STON2: variants seen among roughly 807,000 people sequenced by gnomAD.
STON2 encodes the protein stonin-2.
A neutral mutation model predicts 65.7 loss-of-function variants in STON2; 29 were observed. That is an observed-to-expected ratio of 0.44 (90% CI 0.33 to 0.60). The LOEUF is 0.60. Among genes scored for constraint, STON2 ranks in the 20% least tolerant of loss-of-function variants. The pLI, the probability that STON2 is intolerant of heterozygous loss-of-function variation, is 0.03. For synonymous variants in STON2, 404 were observed against 414.2 expected, an observed-to-expected ratio of 0.98 and a Z score of 0.30; for missense variants, 1,054 against 1,118.1, an observed-to-expected ratio of 0.94 and a Z score of 0.82.
intron 1 of STON2, among the ~76,000 whole-genome samples, chr14:81,399,831 CT>C (rs1018564348): frequency 1.3e-5 from 2 of 152,104 alleles, no homozygotes; most frequent in African/African-American, 4.8e-5. Context: ...TTCCTCCAGG[CT>C]AAGTGGAAGA....
chr14:81,277,580 A>G lies in STON2; in HGVS notation c.1902T>C (p.Asp634=). The part of the protein sequence containing the change: ...LEEEITVDVR[D]EFSGIVSKGD... ...CTTTGCTCACAATGCCAGAGAATTCATCTCTGACATCCACTGTAATCTCCT... is the reference window on the plus strand; with the variant it reads ...CTTTGCTCACAATGCCAGAGAATTCGTCTCTGACATCCACTGTAATCTCCT... Residue 634 remains aspartate, a synonymous_variant, in exon 6 of 8, where the codon GAT becomes GAC. Transcript: ENST00000614646. The G allele has an allele frequency of 1.2e-6, 2 of 1,614,064 alleles. No homozygotes were observed. The highest frequency in any genetic ancestry group is 1.7e-6 in the Non-Finnish European group (2 of 1,179,928).
At chr14:81,316,301 A>G (rs1014096430) in intron 5 of STON2, among the ~76,000 whole-genome samples, 1 of 152,240 alleles carries the variant, frequency 6.6e-6, no homozygotes, top group Admixed American at 6.5e-5. Context: ...TTCAGTGGTC[A>G]GGGCAGTAAT....
At chr14:81,356,370 G>T (rs1324070109) in intron 4 of STON2, among the ~76,000 whole-genome samples, 2 of 152,274 alleles carry the variant, frequency 1.3e-5, no homozygotes, top group East Asian at 3.9e-4. Flanking sequence ...ACTTGATCGT[G>T]GTGGATAAGC....
At chr14:81,293,911 T>A (rs1895660756) in intron 5 of STON2, among the ~76,000 whole-genome samples, 1 of 152,188 alleles carries the variant, frequency 6.6e-6, no homozygotes, top group Non-Finnish European at 1.5e-5. Flanking sequence ...AATGGTGGGT[T>A]TTTTTCTTCA....
chr14:81,375,914 T>C (rs1899232008), intron 3 of STON2, among the ~76,000 whole-genome samples: 1 of 150,948 alleles, frequency 6.6e-6, no homozygotes, highest in Non-Finnish European at 1.5e-5. Flanking sequence ...TTGTCTATAC[T>C]AGATAAAAAA....
chr14:81,263,463 G>A lies in STON2; in HGVS notation c.*4951C>T, dbSNP rs1595257218. On this transcript the variant is annotated 3_prime_UTR_variant, in exon 8 of 8. Transcript: ENST00000614646. ...TGAGGCAGGAGAATCACTTGAACCC[G>A]GGAGGCGGAGGTTGCAGTGAGCCGA... is the stretch of plus-strand genomic sequence containing the variant. 6.7e-6 allele frequency among the ~76,000 whole-genome samples: 1 copy of A among 150,050 alleles called. No individual in the cohort carries two copies. The highest frequency in any genetic ancestry group is 1.5e-5 in the Non-Finnish European group (1 of 67,766).
chr14:81,410,563 G>A (rs1901106746), intron 2 of STON2, among the ~76,000 whole-genome samples: 2 of 152,176 alleles, frequency 1.3e-5, no homozygotes, highest in Non-Finnish European at 2.9e-5. Flanking sequence ...ATAGCCTGAA[G>A]GGGACCCTGA....
chr14:81,330,519 AAAG>A (rs1897173348), intron 4 of STON2, among the ~76,000 whole-genome samples: 1 of 152,204 alleles, frequency 6.6e-6, no homozygotes, highest in African/African-American at 2.4e-5. Flanking sequence ...ATATTTTTAA[AAAG>A]AAGTGGGAAA....
chr14:81,326,599 TA>T (rs1897012906), intron 4 of STON2, among the ~76,000 whole-genome samples: 1 of 152,156 alleles, frequency 6.6e-6, no homozygotes, highest in Non-Finnish European at 1.5e-5. Flanking sequence ...TTTGACACAA[TA>T]TTAATATACA....
chr14:81,388,783 G>C (rs1899943315), intron 3 of STON2, among the ~76,000 whole-genome samples: 1 of 152,178 alleles, frequency 6.6e-6, no homozygotes, highest in South Asian at 2.1e-4. Context: ...TTGGGGGATG[G>C]AAAAGGAATA....
At chr14:81,305,145 G>C (rs1292961456) in intron 5 of STON2, among the ~76,000 whole-genome samples, 1 of 152,206 alleles carries the variant, frequency 6.6e-6, no homozygotes, top group African/African-American at 2.4e-5. Flanking sequence ...GTATTCAATT[G>C]TGTGAATGTG....
chr14:81,434,785 G>A (rs1055546256), intron 1 of STON2, among the ~76,000 whole-genome samples: 3 of 152,114 alleles, frequency 2.0e-5, no homozygotes, highest in African/African-American at 4.8e-5. Flanking sequence ...AATAAAACGG[G>A]CCAATTATTG....
At chr14:81,424,213 G>A (rs1327843208) in intron 2 of STON2, among the ~76,000 whole-genome samples, 1 of 152,140 alleles carries the variant, frequency 6.6e-6, no homozygotes, top group Non-Finnish European at 1.5e-5. Context: ...GGAGGCCAAG[G>A]CAGGCAGATC....
chr14:81,430,504 T>C (rs999987076), intron 1 of STON2, among the ~76,000 whole-genome samples: 2 of 152,144 alleles, frequency 1.3e-5, no homozygotes, highest in Non-Finnish European at 2.9e-5. Context: ...TGACCACCCC[T>C]TGCCAGTTAG....
chr14:81,369,437 A>C (rs1898886492), intron 4 of STON2, among the ~76,000 whole-genome samples: 1 of 152,190 alleles, frequency 6.6e-6, no homozygotes, highest in Admixed American at 6.5e-5. Flanking sequence ...AAGAAAGTAG[A>C]TTAGGCAATG....
intron 2 of STON2, among the ~76,000 whole-genome samples, chr14:81,397,145 A>C (rs1900365528): frequency 6.6e-6 from 1 of 152,240 alleles, no homozygotes; most frequent in Admixed American, 6.5e-5. Flanking sequence ...CATCAGCTGT[A>C]CAACAAAAGA....
chr14:81,322,422 C>T (rs186109902), intron 5 of STON2, among the ~76,000 whole-genome samples: 7 of 152,268 alleles, frequency 4.6e-5, no homozygotes, highest in African/African-American at 1.7e-4. Flanking sequence ...ATCATGGTTC[C>T]TACCCCCACT....
At chr14:81,311,297 T>C (rs1262310384) in intron 5 of STON2, among the ~76,000 whole-genome samples, 1 of 152,126 alleles carries the variant, frequency 6.6e-6, no homozygotes, top group Non-Finnish European at 1.5e-5. Context: ...CATCTCTGCT[T>C]TGCTCTGCTC....
At position 81,398,280 on chromosome 14, in the gene STON2, G is replaced by A. The variant is rs199894201; in HGVS notation, c.88+15C>T. On this transcript the variant is annotated intron_variant, in intron 2 of 7. Coordinates refer to ENST00000614646, the MANE Select transcript of STON2 (RefSeq NM_001394390.1). ...TGACAATCTCTTCACTTTAGGAAAC[G>A]AAGGCACTCCTTACCCTGCGAGTGG... is the stretch of plus-strand genomic sequence containing the variant. 3.6e-5 allele frequency: 57 copies of A among 1,592,970 alleles called. No individual in the cohort carries two copies. Among genetic ancestry groups the A allele is most frequent in the African/African-American group, 3.2e-4 (24 of 74,394 alleles).
Sources: allele counts gnomAD v4.1 joint callset (sites outside exome capture counted in the v4.1 genomes callset), GRCh38; gene constraint gnomAD v4.1.1; transcripts MANE v1.5; gene names NCBI Gene and HGNC (gene_info 2026-07-23, HGNC 2026-07-21).